Variants in SOX5 observed in about 807,000 individuals in gnomAD.
The protein encoded by SOX5 is transcription factor SOX-5.
A neutral mutation model predicts 92.0 loss-of-function variants in SOX5; 9 were observed. The observed-to-expected ratio is 0.10, with a 90% CI of 0.06 to 0.17. The LOEUF is 0.17. Among genes scored for constraint, SOX5 ranks in the 10% least tolerant of loss-of-function variants. SOX5 has a pLI of 1.00. For synonymous variants in SOX5, 344 were observed against 336.3 expected (o/e 1.02, Z -0.25); for missense variants, 642 against 944.5 (o/e 0.68, Z 4.20).
At chr12:24,032,317 C>T (rs899011828) in intron 4 of SOX5, among the ~76,000 whole-genome samples, 1 of 151,746 alleles carries the variant, frequency 6.6e-6, no homozygotes, top group Non-Finnish European at 1.5e-5. Context: ...ATACACCATT[C>T]TTATCTTAAA....
At chr12:24,551,864 T>G (rs1953214169) in intron 1 of SOX5, among the ~76,000 whole-genome samples, 1 of 152,232 alleles carries the variant, frequency 6.6e-6, no homozygotes, top group African/African-American at 2.4e-5. Flanking sequence ...CTAGTCTGTT[T>G]TCTACATGCT....
intron 3 of SOX5, among the ~76,000 whole-genome samples, chr12:24,251,675 G>A (rs552984330): frequency 6.6e-6 from 1 of 151,488 alleles, no homozygotes; most frequent in Admixed American, 6.6e-5. Context: ...GGGTTCAAGC[G>A]ATTCTCCTGC....
At chr12:24,321,529 A>C (rs1169038618) in intron 2 of SOX5, among the ~76,000 whole-genome samples, 1 of 152,226 alleles carries the variant, frequency 6.6e-6, no homozygotes, top group African/African-American at 2.4e-5. Flanking sequence ...TTGGAAAATA[A>C]ACGTCTAGAT....
intron 8 of SOX5, among the ~76,000 whole-genome samples, chr12:23,636,581 A>G (rs2079274759): frequency 6.6e-6 from 1 of 152,188 alleles, no homozygotes; most frequent in African/African-American, 2.4e-5. Context: ...TAGATTTATA[A>G]TGTCCTTTAT....
At chr12:23,855,266 C>G (rs142854561) in intron 2 of SOX5, among the ~76,000 whole-genome samples, 1 of 151,666 alleles carries the variant, frequency 6.6e-6, no homozygotes, top group Non-Finnish European at 1.5e-5. Context: ...TAAAGATAAC[C>G]TAATACAAAC....
intron 3 of SOX5, among the ~76,000 whole-genome samples, chr12:24,263,547 A>AAAAAAAAAC (rs1565781963): frequency 1.4e-5 from 2 of 144,934 alleles, no homozygotes; most frequent in Non-Finnish European, 1.5e-5. Context: ...AAAACAAAAA[A>AAAAAAAAAC]AAAAACAAAA....
intron 4 of SOX5, among the ~76,000 whole-genome samples, chr12:24,175,316 G>C (rs1954684954): frequency 6.6e-6 from 1 of 152,126 alleles, no homozygotes; most frequent in Non-Finnish European, 1.5e-5. Context: ...CCATAAAAGA[G>C]AAAAGCAACC....
chr12:23,916,350 T>C (rs2097417278), intron 1 of SOX5, among the ~76,000 whole-genome samples: 1 of 151,940 alleles, frequency 6.6e-6, no homozygotes, highest in African/African-American at 2.4e-5. Flanking sequence ...CAAAAGAAAA[T>C]CAATAGAAAA....
intron 4 of SOX5, among the ~76,000 whole-genome samples, chr12:24,012,133 A>AC (rs1344804549): frequency 2.6e-5 from 4 of 151,796 alleles, no homozygotes; most frequent in Non-Finnish European, 4.4e-5. Flanking sequence ...TCAGCAGAAA[A>AC]AAAACAGAAA....
chr12:23,918,863 G>A (rs574281037), intron 1 of SOX5, among the ~76,000 whole-genome samples: 34 of 151,698 alleles, frequency 2.2e-4, no homozygotes, highest in African/African-American at 7.7e-4. Context: ...GTTGCAGTGA[G>A]CCAAGATCGT....
intron 1 of SOX5, among the ~76,000 whole-genome samples, chr12:23,910,440 T>C (rs1484835234): frequency 2.0e-5 from 3 of 152,154 alleles, no homozygotes; most frequent in Non-Finnish European, 2.9e-5. Context: ...CCCGCAGGTT[T>C]AAATACGCAT....
intron 1 of SOX5, among the ~76,000 whole-genome samples, chr12:24,442,219 G>A (rs1048003199): frequency 6.6e-6 from 1 of 152,196 alleles, no homozygotes; most frequent in Admixed American, 6.5e-5. Flanking sequence ...CTCATTTAGA[G>A]TATACAGCCT....
intron 6 of SOX5, among the ~76,000 whole-genome samples, chr12:23,725,825 AG>A (rs1391116779): frequency 3.3e-5 from 5 of 152,190 alleles, no homozygotes; most frequent in African/African-American, 7.2e-5. Flanking sequence ...TAAAGAGAAA[AG>A]CAAACTGTGC....
intron 2 of SOX5, among the ~76,000 whole-genome samples, chr12:23,870,243 A>C (rs2096858806): frequency 6.6e-6 from 1 of 152,092 alleles, no homozygotes; most frequent in East Asian, 1.9e-4. Flanking sequence ...GGGTACACAG[A>C]AGTCTAGGGT....
At chr12:23,934,052 A>T (rs1168616914) in intron 1 of SOX5, among the ~76,000 whole-genome samples, 1 of 151,532 alleles carries the variant, frequency 6.6e-6, no homozygotes, top group East Asian at 1.9e-4. Flanking sequence ...GTTAGTTATC[A>T]TTCAATATTC....
chr12:24,105,490 G>A (rs1002007794), intron 4 of SOX5, among the ~76,000 whole-genome samples: 9 of 152,030 alleles, frequency 5.9e-5, no homozygotes, highest in East Asian at 1.9e-4. Flanking sequence ...GCAGTGAGCC[G>A]AGATCATGCC....
intron 1 of SOX5, among the ~76,000 whole-genome samples, chr12:23,910,747 T>C (rs2097342641): frequency 6.6e-6 from 1 of 152,154 alleles, no homozygotes; most frequent in African/African-American, 2.4e-5. Flanking sequence ...TTCTTCGTAC[T>C]GTCCTGTCAG....
intron 4 of SOX5, among the ~76,000 whole-genome samples, chr12:24,010,544 CA>C (rs768930131): frequency 6.6e-6 from 1 of 152,146 alleles, no homozygotes; most frequent in Non-Finnish European, 1.5e-5. Context: ...AATCATAATC[CA>C]GGGCCAAGGA....
At chr12:23,785,790 G>A (rs1288997962) in intron 3 of SOX5, among the ~76,000 whole-genome samples, 2 of 152,066 alleles carry the variant, frequency 1.3e-5, no homozygotes, top group Non-Finnish European at 2.9e-5. Context: ...TCTTGATGTC[G>A]AGAAAACATA....
Sources: gnomAD v4.1 joint callset for allele counts (sites outside exome capture counted in the v4.1 genomes callset) on GRCh38, gnomAD v4.1.1 for gene constraint, MANE v1.5 for transcripts, NCBI Gene and HGNC (gene_info 2026-07-23, HGNC 2026-07-21) for gene names.